The following SHISA9 variants were observed in gnomAD, a reference collection of about 807,000 sequenced individuals.
SHISA9 encodes shisa family member 9, also known as protein shisa-9.
Under a neutral mutation model 38.0 loss-of-function variants are expected in SHISA9, and 13 were observed. The observed-to-expected ratio is 0.34, with a 90% CI of 0.22 to 0.54. SHISA9 has a LOEUF of 0.54. SHISA9 is among the 20% of genes least tolerant of loss of function. The pLI is 0.91. For missense variants in SHISA9, 538 were observed against 575.8 expected, an observed-to-expected ratio of 0.93 and a Z score of 0.67; for synonymous variants, 275 against 242.0, an observed-to-expected ratio of 1.14 and a Z score of -1.27.
chr16:12,927,803 A>C (rs1028009449), intron 2 of SHISA9, among the ~76,000 whole-genome samples: 1 of 152,112 alleles, frequency 6.6e-6, no homozygotes, highest in African/African-American at 2.4e-5. Flanking sequence ...CACACCATGG[A>C]GGGAGTTATC....
intron 2 of SHISA9, among the ~76,000 whole-genome samples, chr16:12,987,967 T>C (rs906370786): frequency 6.6e-6 from 1 of 152,240 alleles, no homozygotes; most frequent in African/African-American, 2.4e-5. Context: ...TGGTCTCCAG[T>C]GTTCCTATTC....
chr16:13,109,202 T>C (rs2073954651), intron 2 of SHISA9, among the ~76,000 whole-genome samples: 1 of 152,112 alleles, frequency 6.6e-6, no homozygotes, highest in African/African-American at 2.4e-5. Context: ...AATTGTTCTA[T>C]TTTTTTGTAG....
At chr16:12,974,314 G>A (rs558985676) in intron 2 of SHISA9, among the ~76,000 whole-genome samples, 1 of 152,130 alleles carries the variant, frequency 6.6e-6, no homozygotes, top group African/African-American at 2.4e-5. Context: ...AAGAGAGGTA[G>A]TTCCCTAAAG....
intron 2 of SHISA9, among the ~76,000 whole-genome samples, chr16:12,967,961 A>G (rs1038825131): frequency 3.3e-5 from 5 of 152,072 alleles, no homozygotes; most frequent in Non-Finnish European, 5.9e-5. Context: ...AGGCTGAGGC[A>G]GGTAGATCAC....
intron 2 of SHISA9, among the ~76,000 whole-genome samples, chr16:13,146,647 A>G (rs190237354): frequency 2.0e-5 from 3 of 152,330 alleles, no homozygotes; most frequent in African/African-American, 7.2e-5. Flanking sequence ...ATCTCATTCA[A>G]CCCTTTGAGA....
At chr16:13,488,504 G>C in the SHISA9 span, among the ~76,000 whole-genome samples, 2 of 152,144 alleles carry the variant, frequency 1.3e-5, no homozygotes, top group South Asian at 4.1e-4. Context: ...TAAGATTATA[G>C]TATTCTCTTT....
chr16:13,197,546 A>T, intron 2 of SHISA9: 1 of 126,654 alleles, frequency 7.9e-6, no homozygotes, highest in East Asian at 2.3e-4. Flanking sequence ...CCAATGAGTA[A>T]TTGTATCTTA....
chr16:13,492,683 C>G, the SHISA9 span, among the ~76,000 whole-genome samples: 1 of 152,152 alleles, frequency 6.6e-6, no homozygotes, highest in Non-Finnish European at 1.5e-5. Flanking sequence ...AATTATTGTT[C>G]AACTAATGGA....
chr16:12,993,943 G>A (rs769106296), intron 2 of SHISA9, among the ~76,000 whole-genome samples: 3 of 152,104 alleles, frequency 2.0e-5, no homozygotes, highest in African/African-American at 7.2e-5. Context: ...GGACCTGAAG[G>A]CAGGCCAGTG....
At chr16:13,378,028 A>T in the SHISA9 span, among the ~76,000 whole-genome samples, 1 of 124,812 alleles carries the variant, frequency 8.0e-6, no homozygotes, top group Middle Eastern at 3.9e-3. Context: ...GCAAGACTCC[A>T]TCTAAACAAC....
intron 2 of SHISA9, among the ~76,000 whole-genome samples, chr16:12,961,288 G>A (rs1051616480): frequency 1.3e-4 from 20 of 152,132 alleles, no homozygotes; most frequent in Non-Finnish European, 1.5e-5. Context: ...GTAGCGGAGT[G>A]GAACATGGAG....
chr16:13,228,769 G>C (rs1260698848), intron 4 of SHISA9, among the ~76,000 whole-genome samples: 1 of 152,046 alleles, frequency 6.6e-6, no homozygotes, highest in Non-Finnish European at 1.5e-5. Flanking sequence ...TTGTGTCATG[G>C]GGGTTTGTCG....
chr16:13,533,873 TC>T, the SHISA9 span, among the ~76,000 whole-genome samples: 1 of 148,096 alleles, frequency 6.8e-6, no homozygotes, highest in African/African-American at 2.5e-5. Context: ...AAACTCCTCC[TC>T]CCAGGTTCAC....
chr16:13,469,320 G>GAAAA, the SHISA9 span, among the ~76,000 whole-genome samples: 1 of 61,572 alleles, frequency 1.6e-5, no homozygotes, highest in Non-Finnish European at 3.0e-5. Context: ...GAGAGAGAGA[G>GAAAA]AGAAAGAAAG....
At chr16:13,405,568 C>G in the SHISA9 span, among the ~76,000 whole-genome samples, 24 of 152,288 alleles carry the variant, frequency 1.6e-4, no homozygotes, top group African/African-American at 5.3e-4. Flanking sequence ...ACAGTTGATC[C>G]TATCACCCAG....
chr16:13,368,950 ATTAT>A, the SHISA9 span, among the ~76,000 whole-genome samples: 203 of 152,298 alleles, frequency 1.3e-3, 7 homozygotes, highest in East Asian at 0.033. Context: ...CCTTAGTAAG[ATTAT>A]TTATATGTGA....
chr16:13,394,173 C>A, the SHISA9 span, among the ~76,000 whole-genome samples: 1 of 152,182 alleles, frequency 6.6e-6, no homozygotes, highest in East Asian at 1.9e-4. Context: ...ACACACCCCA[C>A]GTAGAAACTA....
intron 2 of SHISA9, among the ~76,000 whole-genome samples, chr16:13,065,594 T>G (rs995645123): frequency 2.6e-5 from 4 of 152,282 alleles, no homozygotes; most frequent in Non-Finnish European, 5.9e-5. Context: ...ATTTCTTTTC[T>G]GCTTTTAATG....
At chr16:13,071,599 TC>T (rs1304790769) in intron 2 of SHISA9, among the ~76,000 whole-genome samples, 16 of 144,636 alleles carry the variant, frequency 1.1e-4, no homozygotes, top group Admixed American at 2.8e-4. Flanking sequence ...CTTCCTTCCT[TC>T]CCTTTCTTCC....
Sources: gnomAD v4.1 joint callset for allele counts (sites outside exome capture counted in the v4.1 genomes callset) on GRCh38, gnomAD v4.1.1 for gene constraint, MANE v1.5 for transcripts, NCBI Gene and HGNC (gene_info 2026-07-23, HGNC 2026-07-21) for gene names.